The following RPS6KC1 variants were observed in gnomAD, a reference collection of about 807,000 sequenced individuals.
RPS6KC1 encodes the protein ribosomal protein S6 kinase C1.
In RPS6KC1, 54 loss-of-function variants were observed where a neutral mutation model predicts 103.8. The ratio of observed to expected loss-of-function variants is 0.52; its 90% confidence interval spans 0.42 to 0.65. The LOEUF is 0.65. RPS6KC1 is among the 30% of genes least tolerant of loss of function. The pLI is 0.00. For missense variants in RPS6KC1, 1,151 were observed against 1,253.8 expected (o/e 0.92, Z 1.24); for synonymous variants, 439 against 438.7 (o/e 1.00, Z -0.01).
At chr1:213,182,965 G>A (rs1051322638) in intron 8 of RPS6KC1, among the ~76,000 whole-genome samples, 2 of 149,834 alleles carry the variant, frequency 1.3e-5, no homozygotes, top group African/African-American at 4.9e-5. Context: ...ATATATATAT[G>A]TAAAAAGTAA....
the RPS6KC1 span, among the ~76,000 whole-genome samples, chr1:213,460,216 C>A: frequency 1.3e-5 from 2 of 152,072 alleles, no homozygotes; most frequent in East Asian, 3.9e-4. Context: ...GGGAGTCAGT[C>A]TCTTTGTAGG....
the RPS6KC1 span, among the ~76,000 whole-genome samples, chr1:213,352,631 G>T: frequency 6.6e-6 from 1 of 152,156 alleles, no homozygotes; most frequent in Non-Finnish European, 1.5e-5. Context: ...TTGGAAGGAG[G>T]CTTCTACAAT....
At chr1:213,521,364 A>C in the RPS6KC1 span, among the ~76,000 whole-genome samples, 1 of 152,274 alleles carries the variant, frequency 6.6e-6, no homozygotes, top group Non-Finnish European at 1.5e-5. Context: ...AAAATTGCTA[A>C]TGGTAATCTA....
At chr1:213,521,935 C>G in the RPS6KC1 span, among the ~76,000 whole-genome samples, 1 of 152,202 alleles carries the variant, frequency 6.6e-6, no homozygotes, top group South Asian at 2.1e-4. Flanking sequence ...CTTCCAAACA[C>G]TTGTTAACAT....
At chr1:213,139,130 T>C (rs1316593343) in intron 6 of RPS6KC1, among the ~76,000 whole-genome samples, 4 of 151,244 alleles carry the variant, frequency 2.6e-5, no homozygotes, top group Non-Finnish European at 5.9e-5. Flanking sequence ...TTTTCATATG[T>C]TTGTTGGCTG....
Position 213,201,580 on chromosome 1 carries a change from G to A in RPS6KC1, c.1044+25088G>A, listed in dbSNP as rs545264217. 1.2e-3 allele frequency among the ~76,000 whole-genome samples: 186 copies of A among 152,278 alleles called. 1 individual carries two copies. The highest frequency in any genetic ancestry group is 2.0e-3 in the Admixed American group (30 of 15,304). On this transcript the variant is annotated intron_variant, in intron 8 of 14. Transcript: ENST00000366960. The stretch of plus-strand genomic sequence containing the variant: ...AAGATAGAACCCTAATAGAAACTGT[G>A]TACTCCAGATGATAATGAGTCATTG...
At chr1:213,424,818 T>C in the RPS6KC1 span, among the ~76,000 whole-genome samples, 1 of 152,350 alleles carries the variant, frequency 6.6e-6, no homozygotes, top group East Asian at 1.9e-4. Flanking sequence ...TTCCCATCCT[T>C]CTTCCCTACC....
the RPS6KC1 span, among the ~76,000 whole-genome samples, chr1:213,631,378 C>CAAA: frequency 0.28 from 37,793 of 136,798 alleles, 5,905 homozygotes; most frequent in African/African-American, 0.44. Context: ...CTTTCTATGC[C>CAAA]AAAAAAAAAA....
chr1:213,718,360 G>T, the RPS6KC1 span, among the ~76,000 whole-genome samples: 1 of 152,292 alleles, frequency 6.6e-6, no homozygotes, highest in Non-Finnish European at 1.5e-5. Flanking sequence ...CAAGTATTGG[G>T]ATAGACATTA....
the RPS6KC1 span, among the ~76,000 whole-genome samples, chr1:213,658,357 CA>C: frequency 6.6e-6 from 1 of 152,268 alleles, no homozygotes; most frequent in East Asian, 1.9e-4. Flanking sequence ...GCGGCTAAGT[CA>C]AGCACTTTTG....
chr1:213,403,489 C>T, the RPS6KC1 span, among the ~76,000 whole-genome samples: 1 of 152,170 alleles, frequency 6.6e-6, no homozygotes, highest in African/African-American at 2.4e-5. Flanking sequence ...TTGTGACTTC[C>T]CTTTACCTTG....
At chr1:213,428,522 T>TCTC in the RPS6KC1 span, among the ~76,000 whole-genome samples, 14 of 45,842 alleles carry the variant, frequency 3.1e-4, no homozygotes, top group Non-Finnish European at 4.4e-4. Flanking sequence ...TCCTTCCTCT[T>TCTC]TCTCTCTCTC....
At chr1:213,652,609 G>A in the RPS6KC1 span, among the ~76,000 whole-genome samples, 1 of 152,208 alleles carries the variant, frequency 6.6e-6, no homozygotes, top group Non-Finnish European at 1.5e-5. Context: ...CCAAGGCTAG[G>A]CCTTAGGCTT....
the RPS6KC1 span, among the ~76,000 whole-genome samples, chr1:213,687,815 G>C: frequency 2.0e-5 from 3 of 152,232 alleles, no homozygotes; most frequent in Non-Finnish European, 4.4e-5. Context: ...AGCGTAGAGA[G>C]AGAGATGCCT....
chr1:213,076,167 A>G (rs2079317438), intron 2 of RPS6KC1, among the ~76,000 whole-genome samples: 1 of 152,224 alleles, frequency 6.6e-6, no homozygotes, highest in Non-Finnish European at 1.5e-5. Context: ...TTTGTTGTTG[A>G]GTAAATGAAC....
At chr1:213,189,196 C>T (rs2092656699) in intron 8 of RPS6KC1, among the ~76,000 whole-genome samples, 1 of 152,012 alleles carries the variant, frequency 6.6e-6, no homozygotes, top group African/African-American at 2.4e-5. Flanking sequence ...CGTCTGAAAT[C>T]CCAGCACTTT....
chr1:213,170,511 G>T (rs1295848040), intron 7 of RPS6KC1, among the ~76,000 whole-genome samples: 1 of 152,184 alleles, frequency 6.6e-6, no homozygotes, highest in Non-Finnish European at 1.5e-5. Flanking sequence ...TTGAGGACCT[G>T]TATATGTACA....
chr1:213,612,736 A>T, the RPS6KC1 span, among the ~76,000 whole-genome samples: 3 of 152,132 alleles, frequency 2.0e-5, no homozygotes, highest in Non-Finnish European at 2.9e-5. Context: ...TTACCCTGAG[A>T]CTTCATATTA....
chr1:213,203,041 T>G (rs1387544564), intron 8 of RPS6KC1, among the ~76,000 whole-genome samples: 1 of 152,108 alleles, frequency 6.6e-6, no homozygotes, highest in Non-Finnish European at 1.5e-5. Flanking sequence ...AGATTATGGG[T>G]CAAACAGTAT....
Sources: gnomAD v4.1 joint callset for allele counts (sites outside exome capture counted in the v4.1 genomes callset) on GRCh38, gnomAD v4.1.1 for gene constraint, MANE v1.5 for transcripts, NCBI Gene and HGNC (gene_info 2026-07-23, HGNC 2026-07-21) for gene names.